The following CHCHD6 variants were observed in gnomAD, a reference collection of about 807,000 sequenced individuals.
CHCHD6 encodes coiled-coil-helix-coiled-coil-helix domain containing 6, also known as MICOS complex subunit MIC25.
CHCHD6 carries 28 observed loss-of-function variants against 32.3 expected under a neutral mutation model. The ratio of observed to expected loss-of-function variants is 0.87; its 90% CI spans 0.64 to 1.19. The LOEUF (loss-of-function observed/expected upper bound fraction) is 1.19, where lower values mean the gene tolerates loss of function less well. CHCHD6 is among the 50% of genes most tolerant of loss of function. CHCHD6 has a pLI of 0.00. For missense variants in CHCHD6, 333 were observed against 307.0 expected, an observed-to-expected ratio of 1.08 and a Z score of -0.63; for synonymous variants, 122 against 117.5, an observed-to-expected ratio of 1.04 and a Z score of -0.25.
chr3:126,888,570 A>G (rs1236154407), intron 5 of CHCHD6, among the ~76,000 whole-genome samples: 1 of 152,102 alleles, frequency 6.6e-6, no homozygotes, highest in African/African-American at 2.4e-5. Flanking sequence ...GAGATGGAGG[A>G]GCTTCTGGAG....
At position 126,704,341 on chromosome 3, in the gene CHCHD6, G is replaced by T. The variant is rs752348716; in HGVS notation, c.29G>T (p.Arg10Leu). 3 of 1,600,910 alleles carry T rather than the reference G, an allele frequency of 1.9e-6. No individual in the cohort carries two copies. The highest frequency in any genetic ancestry group is 2.3e-5 in the East Asian group (1 of 44,376). ...GGGAGCACGGAGAGCAGCGAGGGCC[G>T]CAGGGTGTCCTTCGGAGTGGACGAG... Reference protein sequence around the residue: MGSTESSEGRRVSFGVDEEE... With the variant: MGSTESSEGLRVSFGVDEEE... Residue 10 changes from arginine to leucine, a missense_variant, in exon 1 of 8, where the codon CGC (arginine) becomes CTC (leucine). Transcript: ENST00000290913.
chr3:126,806,308 A>G (rs1939374714), intron 4 of CHCHD6, among the ~76,000 whole-genome samples: 1 of 152,252 alleles, frequency 6.6e-6, no homozygotes, highest in South Asian at 2.1e-4. Context: ...CTCATCTGAC[A>G]AAGGACTAAT....
chr3:126,949,878 A>G (rs1285427138), intron 6 of CHCHD6: 3 of 154,146 alleles, frequency 1.9e-5, no homozygotes, highest in Non-Finnish European at 2.9e-5. Context: ...CATAGATGAG[A>G]AGGAAGGATG....
At chr3:126,949,434 G>C (rs1048835545) in intron 6 of CHCHD6, 14 of 229,872 alleles carry the variant, frequency 6.1e-5, no homozygotes, top group Non-Finnish European at 1.1e-4. Context: ...GGAAGGGAAG[G>C]CTGCACGGAC....
intron 5 of CHCHD6, among the ~76,000 whole-genome samples, chr3:126,912,000 G>A (rs1045767138): frequency 3.7e-4 from 56 of 152,326 alleles, no homozygotes; most frequent in Admixed American, 2.6e-4. Flanking sequence ...TGTGGGGGGC[G>A]GGGCTTAGGA....
At chr3:126,855,282 C>T (rs1274361983) in intron 5 of CHCHD6, among the ~76,000 whole-genome samples, 1 of 152,208 alleles carries the variant, frequency 6.6e-6, no homozygotes, top group African/African-American at 2.4e-5. Context: ...GCCCATGAGC[C>T]TTGGCTCCCA....
At chr3:126,935,898 G>A (rs532115259) in intron 6 of CHCHD6, among the ~76,000 whole-genome samples, 3 of 152,338 alleles carry the variant, frequency 2.0e-5, no homozygotes, top group Admixed American at 2.0e-4. Flanking sequence ...AAAGAGGGAA[G>A]AACAATGCTG....
chr3:126,770,997 A>G (rs906402522), intron 4 of CHCHD6, among the ~76,000 whole-genome samples: 10 of 152,044 alleles, frequency 6.6e-5, no homozygotes, highest in Non-Finnish European at 1.2e-4. Context: ...TGCTAATTCA[A>G]TTCTGGAACT....
intron 5 of CHCHD6, among the ~76,000 whole-genome samples, chr3:126,870,118 A>G (rs1278838095): frequency 6.6e-6 from 1 of 152,144 alleles, no homozygotes; most frequent in African/African-American, 2.4e-5. Flanking sequence ...CTGAGCCTCA[A>G]TTCCTCATTC....
At chr3:126,945,684 G>A (rs557966822) in intron 6 of CHCHD6, among the ~76,000 whole-genome samples, 1 of 141,850 alleles carries the variant, frequency 7.0e-6, no homozygotes, top group African/African-American at 2.7e-5. Context: ...GGGAGATTCG[G>A]GGGAAGACTC....
intron 4 of CHCHD6, among the ~76,000 whole-genome samples, chr3:126,771,284 A>G (rs772323837): frequency 6.7e-6 from 1 of 149,206 alleles, no homozygotes; most frequent in Non-Finnish European, 1.5e-5. Flanking sequence ...GGCTCACTGC[A>G]ACCTCCGCCT....
chr3:126,827,176 T>C (rs1940429925), intron 4 of CHCHD6, among the ~76,000 whole-genome samples: 1 of 152,172 alleles, frequency 6.6e-6, no homozygotes, highest in Admixed American at 6.5e-5. Context: ...CAAAAGCCAT[T>C]TTAAGAAGGC....
intron 6 of CHCHD6, among the ~76,000 whole-genome samples, chr3:126,931,698 G>A (rs1049076668): frequency 1.3e-5 from 2 of 152,084 alleles, no homozygotes; most frequent in Non-Finnish European, 2.9e-5. Flanking sequence ...ACCCACCTTG[G>A]GACCTTTCTA....
chr3:126,704,249 T>C lies in CHCHD6; in HGVS notation c.-64T>C. 7.4e-7 allele frequency: 1 copy of C among 1,358,140 alleles called. No individual in the cohort carries two copies. The highest frequency in any genetic ancestry group is 1.7e-5 in the Admixed American group (1 of 57,824). 84.1% of individuals were successfully genotyped at this position (1,358,140 alleles called of 1,614,324 possible). A position where few individuals can be genotyped will look rare whatever the true frequency, so the allele number is the denominator to read the frequency against. ...GCCGCGCGAGTCCTGGAAAGCGTTG[T>C]TGGCCCGGTTGCTCTGGAGCCGGGT... On this transcript the variant is annotated 5_prime_UTR_variant, in exon 1 of 8. Coordinates refer to ENST00000290913, the MANE Select transcript of CHCHD6 (RefSeq NM_032343.3).
chr3:126,891,391 T>C (rs1424803045), intron 5 of CHCHD6, among the ~76,000 whole-genome samples: 5 of 152,066 alleles, frequency 3.3e-5, no homozygotes, highest in Non-Finnish European at 7.4e-5. Context: ...CCTGCAGGTT[T>C]ACAGGGCAGG....
intron 6 of CHCHD6, among the ~76,000 whole-genome samples, chr3:126,922,725 G>A (rs2078270203): frequency 6.6e-6 from 1 of 152,068 alleles, no homozygotes; most frequent in African/African-American, 2.4e-5. Context: ...GTATGTGTGT[G>A]TGTGTGTGTA....
intron 4 of CHCHD6, among the ~76,000 whole-genome samples, chr3:126,748,731 G>A (rs1377987465): frequency 1.3e-5 from 2 of 151,926 alleles, no homozygotes; most frequent in African/African-American, 2.4e-5. Flanking sequence ...TGTCCCTTCT[G>A]TGAGCCTCTG....
At chr3:126,769,364 G>A (rs1410420642) in intron 4 of CHCHD6, among the ~76,000 whole-genome samples, 6 of 152,064 alleles carry the variant, frequency 3.9e-5, no homozygotes, top group East Asian at 1.9e-4. Flanking sequence ...ATTCTGTTCC[G>A]TTGGTCTGTG....
At chr3:126,714,434 T>C (rs1455707452) in intron 1 of CHCHD6, among the ~76,000 whole-genome samples, 1 of 152,188 alleles carries the variant, frequency 6.6e-6, no homozygotes, top group Non-Finnish European at 1.5e-5. Context: ...CCGGTGCATC[T>C]AATTTCAGCT....
Sources: allele counts gnomAD v4.1 joint callset (sites outside exome capture counted in the v4.1 genomes callset), GRCh38; gene constraint gnomAD v4.1.1; transcripts MANE v1.5; gene names NCBI Gene and HGNC (gene_info 2026-07-23, HGNC 2026-07-21).